Variants in CGGBP1 observed in about 807,000 individuals in gnomAD.
CGGBP1 encodes CGG triplet repeat binding protein 1.
A neutral mutation model predicts 11.4 loss-of-function variants in CGGBP1; 4 were observed. That is an observed-to-expected ratio of 0.35 (90% CI 0.17 to 0.80). CGGBP1 has a LOEUF of 0.80. CGGBP1 is among the 30% of genes least tolerant of loss of function. CGGBP1 has a pLI of 0.52. For missense variants in CGGBP1, 135 were observed against 202.1 expected, an observed-to-expected ratio of 0.67 and a Z score of 2.01; for synonymous variants, 76 against 74.1, an observed-to-expected ratio of 1.03 and a Z score of -0.13.
chr3:88,063,397 A>G (rs1486508308), upstream of CGGBP1, among the ~76,000 whole-genome samples: 2 of 152,196 alleles, frequency 1.3e-5, no homozygotes, highest in African/African-American at 4.8e-5. Flanking sequence ...TAGGTGCCTT[A>G]AGAGATGGTA....
chr3:88,093,579 A>G (rs1703875937), intron 2 of CGGBP1, among the ~76,000 whole-genome samples: 1 of 152,192 alleles, frequency 6.6e-6, no homozygotes, highest in Non-Finnish European at 1.5e-5. Context: ...TCTTGTCTTC[A>G]TGGAGCTAAG....
At chr3:88,056,972 T>C (rs1706560720) in intron 3 of CGGBP1, 1 of 152,136 alleles carries the variant, frequency 6.6e-6, no homozygotes, top group South Asian at 2.1e-4. Context: ...ATGAACATAT[T>C]TTGGTAGGTG....
intron 2 of CGGBP1, among the ~76,000 whole-genome samples, chr3:88,118,377 A>C (rs1311826602): frequency 1.3e-5 from 2 of 152,138 alleles, no homozygotes; most frequent in Non-Finnish European, 2.9e-5. Flanking sequence ...GGAGAAGTGG[A>C]AAAAATCATC....
intron 2 of CGGBP1, among the ~76,000 whole-genome samples, chr3:88,072,233 C>T (rs138409269): frequency 2.6e-5 from 4 of 152,250 alleles, no homozygotes; most frequent in East Asian, 1.9e-4. Flanking sequence ...TGACCCTGAT[C>T]CAAACTATAG....
chr3:88,099,209 C>T (rs1184663922), intron 2 of CGGBP1, among the ~76,000 whole-genome samples: 2 of 152,170 alleles, frequency 1.3e-5, no homozygotes, highest in African/African-American at 4.8e-5. Context: ...AGAGCCAAAT[C>T]ATGAGTGAAC....
At chr3:88,108,736 C>G (rs1215272001) in intron 2 of CGGBP1, among the ~76,000 whole-genome samples, 1 of 151,772 alleles carries the variant, frequency 6.6e-6, no homozygotes, top group South Asian at 2.1e-4. Flanking sequence ...TAATAATGGC[C>G]CCAAAGCCAA....
At chr3:88,110,166 TTAC>T (rs1434578440) in intron 2 of CGGBP1, among the ~76,000 whole-genome samples, 8 of 152,140 alleles carry the variant, frequency 5.3e-5, no homozygotes, top group African/African-American at 1.7e-4. Context: ...CAAGAGGTAG[TTAC>T]TATTATTGTG....
chr3:88,092,069 T>A (rs1253173808), intron 2 of CGGBP1, among the ~76,000 whole-genome samples: 2 of 152,208 alleles, frequency 1.3e-5, no homozygotes, highest in African/African-American at 4.8e-5. Context: ...ATAGTAAGAT[T>A]TCTTAGAAGG....
intron 2 of CGGBP1, chr3:88,139,433 G>C (rs1204769898): frequency 6.2e-7 from 1 of 1,613,726 alleles, no homozygotes; most frequent in Non-Finnish European, 8.5e-7. Context: ...GACTTATGCA[G>C]AAGCATTTGA....
intron 2 of CGGBP1, among the ~76,000 whole-genome samples, chr3:88,078,040 T>G (rs189443079): frequency 2.8e-4 from 42 of 152,342 alleles, no homozygotes; most frequent in African/African-American, 9.9e-4. Context: ...TAAAACATGC[T>G]TAATATGCTA....
In CGGBP1 at chr3:88,054,515, T is replaced by C. The variant is rs1410434544; in HGVS notation, c.*958A>G. The C allele has an allele frequency of 2.6e-5, 4 of 152,186 alleles. No homozygotes were observed. The East Asian group carries it at 5.8e-4, about 22-fold the overall frequency. 9.4% of individuals were successfully genotyped at this position (152,186 alleles called of 1,614,324 possible). A position where few individuals can be genotyped will look rare whatever the true frequency, so the allele number is the denominator to read the frequency against. ...AGATAAAGTAAACTTGTTTCTAGTCTAGACTATTCACCTAAATAAACTCAT... is the reference window on the plus strand; with the variant it reads ...AGATAAAGTAAACTTGTTTCTAGTCCAGACTATTCACCTAAATAAACTCAT... On this transcript the variant is annotated 3_prime_UTR_variant, in exon 4 of 4. Coordinates refer to ENST00000482016, the MANE Select transcript of CGGBP1 (RefSeq NM_001008390.2).
At chr3:88,137,194 CAAAA>C (rs11401199) in intron 2 of CGGBP1, among the ~76,000 whole-genome samples, 5 of 70,724 alleles carry the variant, frequency 7.1e-5, no homozygotes, top group Non-Finnish European at 1.2e-4. Flanking sequence ...GACTCTGTCT[CAAAA>C]AAAAAAAAAA....
chr3:88,084,131 CT>C (rs1708223892), intron 2 of CGGBP1, among the ~76,000 whole-genome samples: 1 of 152,122 alleles, frequency 6.6e-6, no homozygotes. Context: ...CCCACAAGGA[CT>C]TTTATTGTGT....
upstream of CGGBP1, among the ~76,000 whole-genome samples, chr3:88,062,454 A>C (rs1706938121): frequency 6.6e-6 from 1 of 152,208 alleles, no homozygotes; most frequent in Admixed American, 6.5e-5. Flanking sequence ...TATGGATGAA[A>C]AGTTTAGAAA....
intron 2 of CGGBP1, among the ~76,000 whole-genome samples, chr3:88,119,562 AC>A (rs906399552): frequency 4.6e-5 from 7 of 151,804 alleles, no homozygotes; most frequent in African/African-American, 1.5e-4. Flanking sequence ...AAAAAAAAAA[AC>A]AATAATTATT....
At chr3:88,075,072 C>T (rs1429432509) in intron 2 of CGGBP1, among the ~76,000 whole-genome samples, 2 of 152,158 alleles carry the variant, frequency 1.3e-5, no homozygotes, top group South Asian at 2.1e-4. Context: ...TTTCCATGGA[C>T]GGTAGCCCCA....
intron 2 of CGGBP1, among the ~76,000 whole-genome samples, chr3:88,088,615 A>ATG (rs1708460470): frequency 6.6e-6 from 1 of 152,190 alleles, no homozygotes; most frequent in South Asian, 2.1e-4. Context: ...AGAAATTTAA[A>ATG]TGTGTGTGTG....
intron 1 of CGGBP1, chr3:88,141,835 C>T: frequency 2.3e-6 from 1 of 439,164 alleles, no homozygotes; most frequent in Non-Finnish European, 4.0e-6. Flanking sequence ...GCTTAGACTC[C>T]AAAAGGATTA....
At chr3:88,131,516 C>G (rs1480272897) in intron 2 of CGGBP1, among the ~76,000 whole-genome samples, 7 of 152,108 alleles carry the variant, frequency 4.6e-5, no homozygotes, top group Non-Finnish European at 1.0e-4. Flanking sequence ...CAAGTATACA[C>G]AAACACACAC....
Sources: allele counts gnomAD v4.1 joint callset (sites outside exome capture counted in the v4.1 genomes callset), GRCh38; gene constraint gnomAD v4.1.1; transcripts MANE v1.5; gene names NCBI Gene and HGNC (gene_info 2026-07-23, HGNC 2026-07-21).